The following DPYD variants were observed in gnomAD, a reference collection of about 807,000 sequenced individuals.
DPYD encodes the protein dihydropyrimidine dehydrogenase.
In DPYD, 109 loss-of-function variants were observed where a neutral mutation model predicts 116.2. That is an observed-to-expected ratio of 0.94 (90% confidence interval 0.80 to 1.10). The LOEUF (loss-of-function observed/expected upper bound fraction) is 1.10. Ranked by LOEUF, DPYD falls within the 50% of genes least tolerant of loss-of-function variation. DPYD has a pLI of 0.00. For synonymous variants in DPYD, 440 were observed against 432.0 expected (o/e 1.02, Z -0.23); for missense variants, 1,302 against 1,254.5 (o/e 1.04, Z -0.57).
At position 97,078,937 on chromosome 1, in the gene DPYD, G is replaced by A; in HGVS notation, c.*39C>T. 1 of 1,608,214 alleles carries A rather than the reference G, an allele frequency of 6.2e-7. No homozygotes were observed. The highest frequency in any genetic ancestry group is 2.2e-5 in the East Asian group (1 of 44,850). On this transcript the variant is annotated 3_prime_UTR_variant, in exon 23 of 23. Coordinates refer to ENST00000370192, the MANE Select transcript of DPYD (RefSeq NM_000110.4). ...GATTTTAAAAGATCAGCATATGTAG[G>A]TGACATGAAAGTTCACAGCAACTGT...
intron 1 of DPYD, among the ~76,000 whole-genome samples, chr1:97,913,224 A>T (rs892189054): frequency 2.6e-5 from 4 of 152,168 alleles, no homozygotes; most frequent in Non-Finnish European, 4.4e-5. Flanking sequence ...GCAAGCAGAC[A>T]TTAAAAAAGT....
At chr1:97,919,597 A>C (rs1267161159) in intron 1 of DPYD, among the ~76,000 whole-genome samples, 1 of 152,216 alleles carries the variant, frequency 6.6e-6, no homozygotes, top group Non-Finnish European at 1.5e-5. Context: ...ATTTTTTAAA[A>C]AGTTAAGTCA....
Position 97,593,271 on chromosome 1 carries a change from C to G in DPYD, c.1075G>C (p.Val359Leu), listed in dbSNP as rs1346959308. ...TSALRCGARR[V>L]FIVFRKGFVN... ...AAGCCTTTTCTGAAGACGATGAACA[C>G]ACGGCGAGCTCCACAACGTAGAGCA... is the stretch of plus-strand genomic sequence containing the variant. The change falls in exon 10 of 23, where the codon GTG (valine) becomes CTG (leucine). Residue 359 changes from valine to leucine, a missense_variant. Transcript: ENST00000370192. The G allele has an allele frequency of 6.2e-7, 1 of 1,614,134 alleles. No homozygotes were observed. The highest frequency in any genetic ancestry group is 1.7e-5 in the Admixed American group (1 of 60,028).
chr1:97,460,598 C>G (rs1439066968), intron 13 of DPYD, among the ~76,000 whole-genome samples: 1 of 152,170 alleles, frequency 6.6e-6, no homozygotes, highest in Non-Finnish European at 1.5e-5. Flanking sequence ...GCCCCCATCT[C>G]TTGTTCTTTC....
chr1:97,486,628 TGGGAAG>T (rs1374618973), intron 13 of DPYD, among the ~76,000 whole-genome samples: 2 of 152,152 alleles, frequency 1.3e-5, no homozygotes, highest in African/African-American at 4.8e-5. Flanking sequence ...CTGTAAATAA[TGGGAAG>T]GTATATCACT....
chr1:97,888,746 A>G (rs1322932696), intron 1 of DPYD, among the ~76,000 whole-genome samples: 2 of 152,136 alleles, frequency 1.3e-5, no homozygotes, highest in Non-Finnish European at 2.9e-5. Context: ...TTAAAAGAAA[A>G]AAAAATGTGA....
At chr1:97,536,216 C>G (rs977428680) in intron 12 of DPYD, among the ~76,000 whole-genome samples, 1 of 152,144 alleles carries the variant, frequency 6.6e-6, no homozygotes, top group South Asian at 2.1e-4. Context: ...AGCATGGAAA[C>G]AGCATTTAGC....
chr1:97,577,336 C>T (rs1653333250), intron 10 of DPYD, among the ~76,000 whole-genome samples: 1 of 152,204 alleles, frequency 6.6e-6, no homozygotes, highest in African/African-American at 2.4e-5. Flanking sequence ...GCCTGCTGGA[C>T]TGGTCCTGCT....
intron 20 of DPYD, among the ~76,000 whole-genome samples, chr1:97,130,925 C>G (rs1312842540): frequency 7.4e-6 from 1 of 135,976 alleles, no homozygotes; most frequent in Non-Finnish European, 1.6e-5. Context: ...CTCCCTCTTT[C>G]TCTCTCTCTA....
chr1:97,681,817 C>G (rs975052234), intron 7 of DPYD, among the ~76,000 whole-genome samples: 1 of 152,110 alleles, frequency 6.6e-6, no homozygotes, highest in African/African-American at 2.4e-5. Flanking sequence ...CAGGTCCAAA[C>G]ATTCTAATAG....
At chr1:97,387,906 T>C (rs1672444452) in intron 14 of DPYD, among the ~76,000 whole-genome samples, 1 of 152,080 alleles carries the variant, frequency 6.6e-6, no homozygotes, top group Admixed American at 6.6e-5. Flanking sequence ...ATTGTTGGTG[T>C]AATGGGAGGC....
intron 3 of DPYD, among the ~76,000 whole-genome samples, chr1:97,779,310 C>T (rs1571343827): frequency 3.3e-5 from 2 of 60,472 alleles, no homozygotes; most frequent in East Asian, 4.7e-3. Context: ...AACACACACA[C>T]ACACATACAC....
At chr1:97,412,008 T>A (rs1395098169) in intron 14 of DPYD, among the ~76,000 whole-genome samples, 1 of 152,224 alleles carries the variant, frequency 6.6e-6, no homozygotes, top group Non-Finnish European at 1.5e-5. Context: ...ACTTCTATGA[T>A]AATACACATG....
At chr1:97,192,002 G>T (rs1340180275) in intron 20 of DPYD, among the ~76,000 whole-genome samples, 1 of 152,092 alleles carries the variant, frequency 6.6e-6, no homozygotes, top group Admixed American at 6.6e-5. Flanking sequence ...CACTCATGGA[G>T]TCATTCATCA....
intron 14 of DPYD, among the ~76,000 whole-genome samples, chr1:97,419,336 T>A (rs1299854633): frequency 6.6e-6 from 1 of 152,152 alleles, no homozygotes; most frequent in Non-Finnish European, 1.5e-5. Flanking sequence ...CCTATACCAC[T>A]CAAAAACTCA....
At chr1:97,855,771 A>G (rs1412632186) in intron 2 of DPYD, 1 of 152,262 alleles carries the variant, frequency 6.6e-6, no homozygotes, top group South Asian at 2.1e-4. Flanking sequence ...AAAAATTCCA[A>G]TCTTCAGGGA....
chr1:97,863,347 T>C (rs72979754), intron 2 of DPYD, among the ~76,000 whole-genome samples: 2,833 of 152,060 alleles, frequency 0.019, 91 homozygotes, highest in African/African-American at 0.065. Context: ...GATTATAAAT[T>C]GGTAATGCCT....
chr1:97,301,151 C>G (rs1589342), intron 18 of DPYD, among the ~76,000 whole-genome samples: 46,984 of 151,824 alleles, frequency 0.31, 7,631 homozygotes, highest in Non-Finnish European at 0.35. Context: ...AATACACAGT[C>G]ATTTACTGGA....
chr1:97,536,525 T>G (rs1039896136), intron 12 of DPYD, among the ~76,000 whole-genome samples: 1 of 152,354 alleles, frequency 6.6e-6, no homozygotes, highest in East Asian at 1.9e-4. Context: ...ATTGTTTTTA[T>G]CTGAAGCAGT....
Sources: allele counts gnomAD v4.1 joint callset (sites outside exome capture counted in the v4.1 genomes callset), GRCh38; gene constraint gnomAD v4.1.1; transcripts MANE v1.5; gene names NCBI Gene and HGNC (gene_info 2026-07-23, HGNC 2026-07-21).